SYDE2: variants seen among roughly 807,000 people sequenced by gnomAD.
SYDE2 encodes the protein rho GTPase-activating protein SYDE2.
A neutral mutation model predicts 91.5 loss-of-function variants in SYDE2; 76 were observed. That is an observed-to-expected ratio of 0.83 (90% CI 0.69 to 1.01). SYDE2 has a LOEUF of 1.01. SYDE2 is among the 50% of genes least tolerant of loss of function. SYDE2 has a pLI of 0.00. For synonymous variants in SYDE2, 513 were observed against 506.4 expected (o/e 1.01, Z -0.18); for missense variants, 1,364 against 1,367.7 (o/e 1.00, Z 0.04).
At chr1:85,193,755 C>A (rs960518122) in intron 1 of SYDE2, among the ~76,000 whole-genome samples, 2 of 152,116 alleles carry the variant, frequency 1.3e-5, no homozygotes, top group Non-Finnish European at 2.9e-5. Flanking sequence ...TCCCAAGAAG[C>A]TAGGACTACA....
At chr1:85,194,681 G>A (rs1444470541) in intron 1 of SYDE2, 3 of 255,784 alleles carry the variant, frequency 1.2e-5, no homozygotes, top group African/African-American at 7.0e-5. Flanking sequence ...GAAAGAAATG[G>A]CAATTAAAAG....
At chr1:85,178,066 G>A (rs1657772025) in intron 4 of SYDE2, 80 bp downstream of exon 4, 2 of 1,159,896 alleles carry the variant, frequency 1.7e-6, no homozygotes, top group Admixed American at 5.4e-5. Flanking sequence ...TTAAATTTCA[G>A]CTACAAACGT....
At chr1:85,194,090 C>T (rs1410719765) in intron 1 of SYDE2, among the ~76,000 whole-genome samples, 1 of 151,356 alleles carries the variant, frequency 6.6e-6, no homozygotes, top group Non-Finnish European at 1.5e-5. Flanking sequence ...ATTACAAAGG[C>T]CAAATTTATT....
intron 1 of SYDE2, among the ~76,000 whole-genome samples, chr1:85,196,970 A>C (rs1658609496): frequency 6.6e-6 from 1 of 152,216 alleles, no homozygotes; most frequent in South Asian, 2.1e-4. Flanking sequence ...CAGACCATGT[A>C]GCAGGAAAAG....
At chr1:85,153,478 TG>T (rs1444631456), downstream of SYDE2, 1 of 152,192 alleles carries the variant, frequency 6.6e-6, no homozygotes, top group African/African-American at 2.4e-5. Flanking sequence ...GTCACTGTTT[TG>T]CCTGCTCGGC....
At chr1:85,194,355 G>A (rs1658498240) in intron 1 of SYDE2, among the ~76,000 whole-genome samples, 1 of 149,180 alleles carries the variant, frequency 6.7e-6, no homozygotes, top group South Asian at 2.1e-4. Flanking sequence ...TAGAGAAAGG[G>A]TCTCATTGTT....
intron 5 of SYDE2, among the ~76,000 whole-genome samples, chr1:85,166,523 T>C (rs1032714701): frequency 1.3e-4 from 19 of 151,838 alleles, no homozygotes; most frequent in Admixed American, 3.3e-4. Context: ...CAAGATGAGG[T>C]AGGAAGCCAG....
At position 85,170,115 on chromosome 1, in the gene SYDE2, T is replaced by TC. The variant is rs1441476216; in HGVS notation, c.2672-891_2672-890insG. ...GATTCTATACGAAGCTTCCCATCTC[T>TC]TTTTTTTTTTTTTTTTTAATTGTGA... On this transcript the variant is annotated intron_variant, in intron 4 of 6. Coordinates refer to ENST00000341460, the MANE Select transcript of SYDE2 (RefSeq NM_032184.2). Among the ~76,000 whole-genome samples the TC allele has an allele frequency of 3.5e-3, 12 of 3,456 alleles. No individual in the cohort carries two copies. The South Asian group carries it at 0.15, about 44-fold the overall frequency. The allele number at this position is 3,456 out of a possible 152,430, so 2.3% of individuals were successfully genotyped here.
At chr1:85,155,839 A>C (rs1401538817), downstream of SYDE2, among the ~76,000 whole-genome samples, 1 of 152,220 alleles carries the variant, frequency 6.6e-6, no homozygotes, top group African/African-American at 2.4e-5. Flanking sequence ...CTATACATCT[A>C]TTAAAACTGA....
intron 6 of SYDE2, among the ~76,000 whole-genome samples, chr1:85,162,348 T>C (rs779364499): frequency 3.9e-5 from 6 of 152,216 alleles, no homozygotes; most frequent in Non-Finnish European, 5.9e-5. Context: ...TGTGGCCTAC[T>C]AGTCTTTGCC....
rs1244794001 is a variant in SYDE2, at chr1:85,178,224, G to A, written c.2593C>T (p.Leu865=). The A allele has an allele frequency of 1.3e-6, 2 of 1,583,646 alleles. No individual in the cohort carries two copies. Among genetic ancestry groups the A allele is most frequent in the East Asian group, 2.3e-5 (1 of 43,746 alleles). The change falls in exon 4 of 7, where the codon CTG becomes TTG. Residue 865 remains leucine, a synonymous_variant. Coordinates refer to ENST00000341460, the MANE Select transcript of SYDE2 (RefSeq NM_032184.2). ...LCGSAAVKKE[L]REAFERDSKA... is the part of the protein sequence containing the mutation. ...CTATCTCTCTCAAAAGCCTCTCGCA[G>A]TTCTTTCTTGACTGCTGCCGAACCA... is the stretch of plus-strand genomic sequence containing the variant.
At chr1:85,184,564 A>G (rs1188333479) in intron 2 of SYDE2, among the ~76,000 whole-genome samples, 1 of 152,170 alleles carries the variant, frequency 6.6e-6, no homozygotes, top group Non-Finnish European at 1.5e-5. Flanking sequence ...AATCAAAAAT[A>G]AAGTCCACTA....
intron 2 of SYDE2, among the ~76,000 whole-genome samples, chr1:85,186,493 T>A (rs12142218): frequency 0.32 from 49,069 of 151,986 alleles, 9,421 homozygotes; most frequent in South Asian, 0.45. Context: ...ATGACTTTCT[T>A]CATGGAATTG....
chr1:85,161,333 A>G (rs867634264), intron 6 of SYDE2, among the ~76,000 whole-genome samples: 1 of 152,314 alleles, frequency 6.6e-6, no homozygotes, highest in African/African-American at 2.4e-5. Context: ...CCCCAATGTC[A>G]CCAAACTTAA....
At position 85,200,728 on chromosome 1, in the gene SYDE2, A is replaced by G; in HGVS notation, c.269T>C (p.Leu90Pro). The change falls in exon 1 of 7, where the codon CTC becomes CCC. Residue 90 changes from leucine (L) to proline (P), a missense_variant. Physicochemically the swap from Leu to Pro is moderately conservative, Grantham distance 98. Coordinates refer to ENST00000341460, the MANE Select transcript of SYDE2 (RefSeq NM_032184.2). ...GGGAGGCGGCTTGGCACCCACCCGGAGGCTCTCGAGGCTTCTGCTGCAGGA... is the reference window on the plus strand; with the variant it reads ...GGGAGGCGGCTTGGCACCCACCCGGGGGCTCTCGAGGCTTCTGCTGCAGGA... Reference protein sequence around the residue: ...RPSCSRSLESLRVGAKPPPFQ... With the variant: ...RPSCSRSLESPRVGAKPPPFQ... 3 of 1,533,634 alleles carry G rather than the reference A, an allele frequency of 2.0e-6. No individual in the cohort carries two copies. Among genetic ancestry groups the G allele is most frequent in the Non-Finnish European group, 2.6e-6 (3 of 1,145,486 alleles).
At chr1:85,180,664 T>C (rs903120336) in intron 3 of SYDE2, among the ~76,000 whole-genome samples, 8 of 147,692 alleles carry the variant, frequency 5.4e-5, no homozygotes, top group African/African-American at 2.0e-4. Context: ...CACTCCAGCC[T>C]GGGCGACAGA....
chr1:85,168,114 T>A (rs1262998286), intron 5 of SYDE2, among the ~76,000 whole-genome samples: 3 of 145,972 alleles, frequency 2.1e-5, no homozygotes, highest in South Asian at 2.1e-4. Context: ...GACTCCTTCT[T>A]CAAAAAAAAA....
At chr1:85,192,032 T>C (rs1658390858) in intron 1 of SYDE2, among the ~76,000 whole-genome samples, 1 of 152,140 alleles carries the variant, frequency 6.6e-6, no homozygotes, top group South Asian at 2.1e-4. Context: ...TATGGAATTA[T>C]ATGGTCAACT....
At chr1:85,155,019 AAAAAAAGAAAAGAAAAAG>A (rs1199625284), downstream of SYDE2, among the ~76,000 whole-genome samples, 5 of 150,302 alleles carry the variant, frequency 3.3e-5, no homozygotes, top group African/African-American at 1.2e-4. Context: ...CAAAAAAAAA[AAAAAAAGAAAAGAAAAAG>A]AAAAAAGAAA....
Sources: allele counts gnomAD v4.1 joint callset (sites outside exome capture counted in the v4.1 genomes callset), GRCh38; gene constraint gnomAD v4.1.1; transcripts MANE v1.5; gene names NCBI Gene and HGNC (gene_info 2026-07-23, HGNC 2026-07-21).